The following MAF variants were observed in gnomAD, a reference collection of about 807,000 sequenced individuals.
MAF encodes MAF bZIP transcription factor.
Under a neutral mutation model 22.0 loss-of-function variants are expected in MAF, and 10 were observed. That is an observed-to-expected ratio of 0.45 (90% CI 0.28 to 0.77). The LOEUF is 0.77. Ranked by LOEUF, MAF falls within the 30% of genes least tolerant of loss-of-function variation. The probability of loss-of-function intolerance (pLI) is 0.12; values close to 1 mark genes in which losing one functional copy is unlikely to be tolerated. For synonymous variants in MAF, 337 were observed against 255.8 expected (o/e 1.32, Z -3.03); for missense variants, 544 against 548.4 (o/e 0.99, Z 0.08).
At chr16:79,219,169 G>A in the MAF span, among the ~76,000 whole-genome samples, 7 of 152,112 alleles carry the variant, frequency 4.6e-5, no homozygotes, top group African/African-American at 1.7e-4. Flanking sequence ...GCTCTCCATG[G>A]CTCATTCAGA....
At chr16:79,232,366 A>G in the MAF span, among the ~76,000 whole-genome samples, 5 of 152,112 alleles carry the variant, frequency 3.3e-5, no homozygotes, top group Non-Finnish European at 5.9e-5. Context: ...CAAAATTTGC[A>G]TAAGAACATT....
chr16:79,530,219 C>T, the MAF span, among the ~76,000 whole-genome samples: 1 of 152,140 alleles, frequency 6.6e-6, no homozygotes, highest in Admixed American at 6.5e-5. Flanking sequence ...TGAGAACACA[C>T]CTGAAGATTC....
chr16:79,240,167 A>G, the MAF span, among the ~76,000 whole-genome samples: 1 of 151,698 alleles, frequency 6.6e-6, no homozygotes, highest in African/African-American at 2.4e-5. Flanking sequence ...GAAAAACTAT[A>G]TGTGAAAATT....
intron 1 of MAF, among the ~76,000 whole-genome samples, chr16:79,588,520 C>CGCCTCCCAGGTTTTAAGTGATTCTCCT (rs1912997368): frequency 6.6e-6 from 1 of 152,032 alleles, no homozygotes; most frequent in Non-Finnish European, 1.5e-5. Context: ...CTGCAACCTC[C>CGCCTCCCAGGTTTTAAGTGATTCTCCT]GCCTCCCAGG....
the MAF span, among the ~76,000 whole-genome samples, chr16:79,272,985 C>T: frequency 0.6 from 91,297 of 152,090 alleles, 28,302 homozygotes; most frequent in Admixed American, 0.69. Context: ...TGTGTCTAAA[C>T]TCTAAATTAT....
chr16:79,576,235 A>G, the MAF span, among the ~76,000 whole-genome samples: 1 of 142,048 alleles, frequency 7.0e-6, no homozygotes, highest in African/African-American at 2.7e-5. Flanking sequence ...TGGTACTAAA[A>G]AAAAAAAAAA....
the MAF span, among the ~76,000 whole-genome samples, chr16:79,221,178 G>A: frequency 6.6e-6 from 1 of 152,200 alleles, no homozygotes; most frequent in Non-Finnish European, 1.5e-5. Flanking sequence ...GGTTTGCTAA[G>A]ACAGAGCTTG....
chr16:79,472,612 G>A, the MAF span, among the ~76,000 whole-genome samples: 1 of 152,072 alleles, frequency 6.6e-6, no homozygotes, highest in African/African-American at 2.4e-5. Flanking sequence ...CCTAGGGCTT[G>A]GAGGCAGAGA....
chr16:79,555,248 C>T, the MAF span, among the ~76,000 whole-genome samples: 1 of 152,158 alleles, frequency 6.6e-6, no homozygotes, highest in Non-Finnish European at 1.5e-5. Context: ...TTGCAATTCC[C>T]AGTAAATAAC....
At chr16:79,343,241 C>A in the MAF span, among the ~76,000 whole-genome samples, 4 of 151,610 alleles carry the variant, frequency 2.6e-5, no homozygotes, top group Admixed American at 2.0e-4. Flanking sequence ...AGCCCCAACC[C>A]CCCCCCAAAA....
the MAF span, among the ~76,000 whole-genome samples, chr16:79,231,559 A>G: frequency 2.6e-5 from 4 of 152,218 alleles, no homozygotes; most frequent in East Asian, 3.9e-4. Context: ...TCTAGTTATC[A>G]GGTATCTACC....
chr16:79,480,025 T>C, the MAF span, among the ~76,000 whole-genome samples: 1 of 152,160 alleles, frequency 6.6e-6, no homozygotes, highest in Non-Finnish European at 1.5e-5. Context: ...AAGGATTTCA[T>C]AGACACCCAT....
At chr16:79,327,535 C>T in the MAF span, among the ~76,000 whole-genome samples, 3 of 152,222 alleles carry the variant, frequency 2.0e-5, no homozygotes, top group Non-Finnish European at 2.9e-5. Context: ...GACAAGGTCA[C>T]ATAGCTAGCT....
At chr16:79,491,602 G>A in the MAF span, among the ~76,000 whole-genome samples, 1 of 152,074 alleles carries the variant, frequency 6.6e-6, no homozygotes, top group Non-Finnish European at 1.5e-5. Flanking sequence ...AAATAAGCCT[G>A]GATTTGCATG....
chr16:79,264,652 C>G, the MAF span: 1 of 152,168 alleles, frequency 6.6e-6, no homozygotes, highest in Non-Finnish European at 1.5e-5. Flanking sequence ...CCTCTTAAGA[C>G]CTAGTCATCT....
At chr16:79,457,381 G>C in the MAF span, among the ~76,000 whole-genome samples, 2 of 124,784 alleles carry the variant, frequency 1.6e-5, no homozygotes, top group African/African-American at 2.7e-5. Flanking sequence ...GAATTGAGTA[G>C]CACTTTGGTT....
the MAF span, among the ~76,000 whole-genome samples, chr16:79,382,794 G>A: frequency 4.6e-5 from 7 of 152,242 alleles, no homozygotes; most frequent in African/African-American, 1.7e-4. Context: ...GTGCATTTAT[G>A]TTGAGGTTTG....
the MAF span, among the ~76,000 whole-genome samples, chr16:79,239,108 T>C: frequency 7.2e-3 from 1,096 of 152,202 alleles, 15 homozygotes; most frequent in Non-Finnish European, 0.012. Flanking sequence ...CCATAGTCAC[T>C]GTCCTAAAGG....
At chr16:79,289,292 G>C in the MAF span, among the ~76,000 whole-genome samples, 2 of 152,252 alleles carry the variant, frequency 1.3e-5, no homozygotes, top group African/African-American at 4.8e-5. Context: ...GGCAAGAGCA[G>C]TGTTTCTGGG....
Sources: gnomAD v4.1 joint callset for allele counts (sites outside exome capture counted in the v4.1 genomes callset) on GRCh38, gnomAD v4.1.1 for gene constraint, MANE v1.5 for transcripts, NCBI Gene and HGNC (gene_info 2026-07-23, HGNC 2026-07-21) for gene names.